Variants in MYO3B observed in about 807,000 individuals in gnomAD.
MYO3B encodes myosin IIIB.
In MYO3B, 156 loss-of-function variants were observed where a neutral mutation model predicts 174.6. That is an observed-to-expected ratio of 0.89 (90% CI 0.78 to 1.02). The LOEUF is 1.02. Ranked by LOEUF, MYO3B falls within the 50% of genes least tolerant of loss-of-function variation. The pLI is 0.00. For missense variants in MYO3B, 1,632 were observed against 1,639.4 expected (o/e 1.00, Z 0.08); for synonymous variants, 563 against 569.1 (o/e 0.99, Z 0.15).
chr2:170,394,601 A>G (rs1007534118), intron 16 of MYO3B, among the ~76,000 whole-genome samples: 2 of 152,228 alleles, frequency 1.3e-5, no homozygotes, highest in Non-Finnish European at 2.9e-5. Context: ...CCTGGTCTGT[A>G]CTGTTAAATG....
rs117832444 is a variant in MYO3B at position 170,601,146 on chromosome 2, G to A, written c.3734-50482G>A. Among the ~76,000 whole-genome samples, 282 of 145,060 alleles carry A rather than the reference G, an allele frequency of 1.9e-3. 4 individuals are homozygous for A. In the East Asian group the frequency reaches 0.035, roughly 18 times the overall value. ...AGAAAAATTTCAGACCTATGAAAAC[G>A]ACAACAATACTAATAAAAAAATTGT... On this transcript the variant is annotated intron_variant, in intron 32 of 34. Transcript: ENST00000408978.
chr2:170,623,507 C>G (rs1348729543), intron 32 of MYO3B, among the ~76,000 whole-genome samples: 1 of 152,150 alleles, frequency 6.6e-6, no homozygotes, highest in Non-Finnish European at 1.5e-5. Flanking sequence ...CAAAAATTTT[C>G]TCCTATTCTG....
intron 14 of MYO3B, among the ~76,000 whole-genome samples, 155 bp downstream of exon 14, chr2:170,387,463 T>C (rs1430807321): frequency 1.3e-5 from 2 of 152,184 alleles, no homozygotes; most frequent in African/African-American, 4.8e-5. Context: ...GTGGTAGTTT[T>C]TGACCTAAAA....
chr2:170,614,272 TTAAG>T (rs886757018), intron 32 of MYO3B, among the ~76,000 whole-genome samples: 3 of 152,142 alleles, frequency 2.0e-5, no homozygotes, highest in Non-Finnish European at 2.9e-5. Context: ...TGCTAGAGTA[TTAAG>T]TGAGATAATT....
intron 22 of MYO3B, among the ~76,000 whole-genome samples, chr2:170,410,549 C>A (rs1482635384): frequency 6.8e-6 from 1 of 146,076 alleles, no homozygotes; most frequent in Non-Finnish European, 1.5e-5. Context: ...CCATTGCACT[C>A]CAGCCTGGGA....
intron 32 of MYO3B, among the ~76,000 whole-genome samples, chr2:170,612,830 C>T (rs1182473385): frequency 6.6e-6 from 1 of 152,232 alleles, no homozygotes; most frequent in Non-Finnish European, 1.5e-5. Context: ...CCTTACTGTG[C>T]AGCTTTCTTA....
chr2:170,204,878 A>G (rs1300792763), intron 3 of MYO3B, among the ~76,000 whole-genome samples: 1 of 145,204 alleles, frequency 6.9e-6, no homozygotes, highest in Non-Finnish European at 1.5e-5. Flanking sequence ...TTATGCTTTT[A>G]AAATGTTCAA....
In MYO3B at chr2:170,633,340, C is replaced by T. The variant is rs182308525; in HGVS notation, c.3734-18288C>T. ...CATACGCAAATCAATAAACTTAATC[C>T]ATCATATAAACAGAACCAAAGAAGA... On this transcript the variant is annotated intron_variant, in intron 32 of 34. Coordinates refer to ENST00000408978, the MANE Select transcript of MYO3B (RefSeq NM_138995.5). 6.3e-4 allele frequency among the ~76,000 whole-genome samples: 96 copies of T among 152,284 alleles called. 1 individual carries two copies. In the East Asian group the frequency reaches 0.013, roughly 21 times the overall value.
intron 30 of MYO3B, among the ~76,000 whole-genome samples, chr2:170,523,223 A>G (rs1488686876): frequency 6.6e-6 from 1 of 152,232 alleles, no homozygotes; most frequent in Non-Finnish European, 1.5e-5. Flanking sequence ...CAATAAGTTT[A>G]TTGAGCTAAC....
intron 32 of MYO3B, among the ~76,000 whole-genome samples, chr2:170,627,805 T>G (rs1174989866): frequency 6.6e-6 from 1 of 152,248 alleles, no homozygotes; most frequent in African/African-American, 2.4e-5. Context: ...TGGAGTTTGT[T>G]GGAGGTCCAC....
chr2:170,646,816 G>A (rs1698420837), intron 32 of MYO3B: 1 of 723,454 alleles, frequency 1.4e-6, no homozygotes, highest in South Asian at 1.5e-5. Context: ...TAGAGAAGCA[G>A]TAACAATTGT....
In MYO3B at chr2:170,563,497, C is replaced by T. The variant is rs80157827; in HGVS notation, c.3733+19509C>T. Among the ~76,000 whole-genome samples, 639 of 152,234 alleles carry T rather than the reference C, an allele frequency of 4.2e-3. 2 individuals carry two copies. Among genetic ancestry groups the T allele is most frequent in the African/African-American group, 0.015 (615 of 41,520 alleles). On this transcript the variant is annotated intron_variant, in intron 32 of 34. Coordinates refer to ENST00000408978, the MANE Select transcript of MYO3B (RefSeq NM_138995.5). ...GGAATAAAAGAGAATCTTCTTTGTCCCTTTCTTCCATCTGATTTCCTGATA... is the reference window on the plus strand; with the variant it reads ...GGAATAAAAGAGAATCTTCTTTGTCTCTTTCTTCCATCTGATTTCCTGATA...
rs1293595035 is a variant in MYO3B at position 170,637,721 on chromosome 2, A to G, written c.3734-13907A>G. Among the ~76,000 whole-genome samples the G allele has an allele frequency of 2.0e-5, 3 of 152,230 alleles. No homozygotes were observed. The East Asian group carries it at 5.8e-4, about 29-fold the overall frequency. Reference sequence around the variant, plus strand: ...TGAAGAACTGAAATTTAAATTCTTGATTAGAGCAGAGAACTGAAAGCTTTG... The same window carrying G: ...TGAAGAACTGAAATTTAAATTCTTGGTTAGAGCAGAGAACTGAAAGCTTTG... On this transcript the variant is annotated intron_variant, in intron 32 of 34. Transcript: ENST00000408978.
intron 7 of MYO3B, among the ~76,000 whole-genome samples, chr2:170,282,485 C>T (rs911442740): frequency 1.3e-5 from 2 of 152,106 alleles, no homozygotes; most frequent in South Asian, 2.1e-4. Context: ...TATACCAATA[C>T]GATGCTCTCA....
At chr2:170,638,599 G>C (rs888468230) in intron 32 of MYO3B, among the ~76,000 whole-genome samples, 11 of 152,106 alleles carry the variant, frequency 7.2e-5, no homozygotes, top group African/African-American at 2.7e-4. Flanking sequence ...GACTTTAAAG[G>C]GCCTCTGGGC....
chr2:170,461,490 G>C (rs952510228), intron 23 of MYO3B, among the ~76,000 whole-genome samples: 1 of 143,542 alleles, frequency 7.0e-6, no homozygotes, highest in Non-Finnish European at 1.5e-5. Flanking sequence ...AAAAAAAAGG[G>C]CTGGGCCGAG....
At chr2:170,483,375 C>CTTTTTTTTTTTTTTTTTTTTT (rs61527598) in intron 25 of MYO3B, among the ~76,000 whole-genome samples, 4 of 62,102 alleles carry the variant, frequency 6.4e-5, no homozygotes, top group South Asian at 5.4e-4. Context: ...CTTGGGGATT[C>CTTTTTTTTTTTTTTTTTTTTT]TTTTTTTTTT....
chr2:170,180,877 C>T (rs1265342287), intron 1 of MYO3B, among the ~76,000 whole-genome samples: 4 of 152,202 alleles, frequency 2.6e-5, no homozygotes, highest in Non-Finnish European at 5.9e-5. Flanking sequence ...CACTATTCAA[C>T]ACTTTTAAAA....
intron 8 of MYO3B, chr2:170,343,498 G>A (rs957286196): frequency 1.3e-5 from 2 of 152,028 alleles, no homozygotes; most frequent in African/African-American, 4.8e-5. Flanking sequence ...TCCCCACCTG[G>A]CCCAGGTAAC....
Sources: allele counts gnomAD v4.1 joint callset (sites outside exome capture counted in the v4.1 genomes callset), GRCh38; gene constraint gnomAD v4.1.1; transcripts MANE v1.5; gene names NCBI Gene and HGNC (gene_info 2026-07-23, HGNC 2026-07-21).